SCFD2: variants seen among roughly 807,000 people sequenced by gnomAD.
The protein encoded by SCFD2 is sec1 family domain-containing protein 2.
A neutral mutation model predicts 58.9 loss-of-function variants in SCFD2; 54 were observed. The ratio of observed to expected loss-of-function variants is 0.92; its 90% CI spans 0.74 to 1.15. The LOEUF is 1.15. Among genes scored for constraint, SCFD2 ranks in the 50% most tolerant of loss-of-function variants. The pLI is 0.00. For synonymous variants in SCFD2, 321 were observed against 335.9 expected (o/e 0.96, Z 0.49); for missense variants, 805 against 836.6 (o/e 0.96, Z 0.47).
At position 53,363,120 on chromosome 4, in the gene SCFD2, A is replaced by T. The variant is rs1023627429; in HGVS notation, c.838+1984T>A. On this transcript the variant is annotated intron_variant, in intron 1 of 8. Transcript: ENST00000401642. Reference sequence around the variant, plus strand: ...GTCTTTCTATGTGTCTTTATTTTGCAAATCATTCTTTTTTTCTTTTTTTTT... The same window carrying T: ...GTCTTTCTATGTGTCTTTATTTTGCTAATCATTCTTTTTTTCTTTTTTTTT... Among the ~76,000 whole-genome samples the T allele has an allele frequency of 6.6e-5, 10 of 151,742 alleles. No homozygotes were observed. In the South Asian group the frequency reaches 1.9e-3, roughly 28 times the overall value.
At chr4:53,283,269 T>C (rs1031015543) in intron 3 of SCFD2, among the ~76,000 whole-genome samples, 2 of 152,232 alleles carry the variant, frequency 1.3e-5, no homozygotes, top group African/African-American at 2.4e-5. Context: ...TTTTTTCTTG[T>C]CTGGCTTCTT....
chr4:52,956,430 G>C (rs1274556127), intron 5 of SCFD2: 2 of 361,974 alleles, frequency 5.5e-6, no homozygotes, highest in Non-Finnish European at 1.1e-5. Flanking sequence ...CAAGTAACCA[G>C]GCTGAGGGAA....
chr4:52,966,112 A>G (rs1221886956), intron 5 of SCFD2, among the ~76,000 whole-genome samples: 1 of 152,180 alleles, frequency 6.6e-6, no homozygotes, highest in East Asian at 1.9e-4. Flanking sequence ...AAGTGCCCTC[A>G]TTTATGGAGA....
chr4:52,874,117 G>T, intron 8 of SCFD2, 56 bp from the exon 9 acceptor site: 1 of 1,132,702 alleles, frequency 8.8e-7, no homozygotes, highest in Non-Finnish European at 1.3e-6. Context: ...CAATCTCAGG[G>T]TATTGGATGA....
intron 4 of SCFD2, among the ~76,000 whole-genome samples, chr4:53,224,267 T>C (rs1729134380): frequency 6.6e-6 from 1 of 151,546 alleles, no homozygotes; most frequent in African/African-American, 2.4e-5. Context: ...CATGTGCCTG[T>C]AATCCAAGCT....
intron 5 of SCFD2, among the ~76,000 whole-genome samples, chr4:52,981,360 C>A (rs191567399): frequency 6.6e-6 from 1 of 152,270 alleles, no homozygotes; most frequent in African/African-American, 2.4e-5. Flanking sequence ...AGCATTCTCA[C>A]AGGGTATACA....
chr4:52,894,735 C>G (rs1336546907), intron 7 of SCFD2, among the ~76,000 whole-genome samples: 2 of 152,146 alleles, frequency 1.3e-5, no homozygotes, highest in African/African-American at 4.8e-5. Context: ...CAAGTCTATC[C>G]TCTGGTTGAG....
intron 2 of SCFD2, among the ~76,000 whole-genome samples, chr4:53,316,626 CACTT>C (rs36075781): frequency 1.4e-3 from 220 of 152,208 alleles, no homozygotes; most frequent in African/African-American, 5.0e-3. Context: ...TGGATGAATT[CACTT>C]ACTTAATTAC....
At chr4:53,166,362 G>A (rs1727008442) in intron 4 of SCFD2, among the ~76,000 whole-genome samples, 1 of 152,088 alleles carries the variant, frequency 6.6e-6, no homozygotes. Context: ...ATCTTTCTTT[G>A]CTTTTGTGGC....
At chr4:53,296,736 T>C (rs1458266592) in intron 3 of SCFD2, among the ~76,000 whole-genome samples, 1 of 152,222 alleles carries the variant, frequency 6.6e-6, no homozygotes, top group Non-Finnish European at 1.5e-5. Context: ...TGTTAGGGTA[T>C]CGATTTTAGA....
rs765791485 is a variant in SCFD2 at position 52,948,592 on chromosome 4, C to A, written c.1562-27722G>T. On this transcript the variant is annotated intron_variant, in intron 5 of 8. Transcript: ENST00000401642. ...ATATTCTGTTCCTAGTGGGGACATG[C>A]CAAGTCTCTTTACTGCAACCAGTGG... 1.1e-4 allele frequency: 48 copies of A among 453,540 alleles called. 1 individual carries two copies. Among genetic ancestry groups the A allele is most frequent in the South Asian group, 7.5e-4 (48 of 63,936 alleles). 28.1% of individuals were successfully genotyped at this position (453,540 alleles called of 1,614,324 possible). A position where few individuals can be genotyped will look rare whatever the true frequency, so the allele number is the denominator to read the frequency against.
At chr4:53,271,669 G>A (rs969006413) in intron 4 of SCFD2, among the ~76,000 whole-genome samples, 2 of 151,962 alleles carry the variant, frequency 1.3e-5, no homozygotes, top group Non-Finnish European at 2.9e-5. Context: ...TGCCATGTTG[G>A]CCAGGCTGGT....
At chr4:52,961,255 G>A (rs924864281) in intron 5 of SCFD2, among the ~76,000 whole-genome samples, 2 of 152,182 alleles carry the variant, frequency 1.3e-5, no homozygotes, top group African/African-American at 2.4e-5. Context: ...GGAACCATGG[G>A]AAAGGGAAGT....
intron 5 of SCFD2, among the ~76,000 whole-genome samples, chr4:53,079,956 G>T (rs763086551): frequency 4.9e-4 from 75 of 152,230 alleles, no homozygotes; most frequent in Admixed American, 1.7e-3. Context: ...ATATATACAT[G>T]AAGAAATTCC....
intron 5 of SCFD2, among the ~76,000 whole-genome samples, chr4:53,061,413 C>G (rs76627993): frequency 0.015 from 2,271 of 152,166 alleles, 55 homozygotes; most frequent in African/African-American, 0.052. Flanking sequence ...GGATTTGGAC[C>G]CAAGTAGCCT....
intron 1 of SCFD2, among the ~76,000 whole-genome samples, chr4:53,354,133 G>A (rs548361001): frequency 6.6e-6 from 1 of 152,382 alleles, no homozygotes; most frequent in Non-Finnish European, 1.5e-5. Flanking sequence ...CGGAGCAGGG[G>A]ACAGTGCCCG....
chr4:53,361,961 T>C (rs572189528), intron 1 of SCFD2, among the ~76,000 whole-genome samples: 88 of 152,312 alleles, frequency 5.8e-4, no homozygotes, highest in Middle Eastern at 3.4e-3. Flanking sequence ...ATATATTGAA[T>C]ACCTACTGTT....
intron 4 of SCFD2, among the ~76,000 whole-genome samples, chr4:53,229,257 T>C (rs906274625): frequency 6.6e-6 from 1 of 152,136 alleles, no homozygotes; most frequent in African/African-American, 2.4e-5. Flanking sequence ...CTACACAGAA[T>C]TGGAAAAAAC....
intron 5 of SCFD2, among the ~76,000 whole-genome samples, chr4:53,031,429 T>C (rs1045920051): frequency 2.6e-5 from 4 of 152,166 alleles, no homozygotes; most frequent in Non-Finnish European, 5.9e-5. Flanking sequence ...TAGAATAAGT[T>C]TGACAAACTG....
Sources: allele counts gnomAD v4.1 joint callset (sites outside exome capture counted in the v4.1 genomes callset), GRCh38; gene constraint gnomAD v4.1.1; transcripts MANE v1.5; gene names NCBI Gene and HGNC (gene_info 2026-07-23, HGNC 2026-07-21).